The following SNX13 variants were observed in gnomAD, a reference collection of about 807,000 sequenced individuals.
The protein encoded by SNX13 is sorting nexin 13.
SNX13 carries 45 observed loss-of-function variants against 133.6 expected under a neutral mutation model. That is an observed-to-expected ratio of 0.34 (90% CI 0.27 to 0.43). The LOEUF (loss-of-function observed/expected upper bound fraction) is 0.43, where lower values mean the gene tolerates loss of function less well. Among genes scored for constraint, SNX13 ranks in the 20% least tolerant of loss-of-function variants. SNX13 has a pLI of 1.00. For missense variants in SNX13, 1,032 were observed against 1,145.1 expected, an observed-to-expected ratio of 0.90 and a Z score of 1.43; for synonymous variants, 414 against 373.9, an observed-to-expected ratio of 1.11 and a Z score of -1.24.
intron 1 of SNX13, among the ~76,000 whole-genome samples, chr7:17,907,618 A>AC (rs962559699): frequency 1.3e-5 from 2 of 151,680 alleles, no homozygotes; most frequent in African/African-American, 4.8e-5. Context: ...AGGCAGCAAC[A>AC]CCCCCCCTGA....
chr7:17,835,590 A>G (rs575086413), intron 13 of SNX13, among the ~76,000 whole-genome samples: 1 of 152,144 alleles, frequency 6.6e-6, no homozygotes, highest in African/African-American at 2.4e-5. Context: ...TCAGCACATC[A>G]ACTTTTGCAT....
At chr7:17,925,155 A>C (rs1438550459) in intron 1 of SNX13, among the ~76,000 whole-genome samples, 1 of 152,182 alleles carries the variant, frequency 6.6e-6, no homozygotes, top group East Asian at 1.9e-4. Flanking sequence ...CAGAGGTTTC[A>C]GTGAGCCGAT....
intron 11 of SNX13, among the ~76,000 whole-genome samples, chr7:17,849,884 C>T (rs1791002490): frequency 6.6e-6 from 1 of 152,232 alleles, no homozygotes; most frequent in Non-Finnish European, 1.5e-5. Context: ...AAGACATTCT[C>T]TATACGCTAC....
In SNX13 at chr7:17,845,677, T is replaced by C. The variant is rs1790439262; in HGVS notation, c.1083A>G (p.Lys361=). 3 of 1,596,154 alleles carry C rather than the reference T, an allele frequency of 1.9e-6. No homozygotes were observed. Among genetic ancestry groups the C allele is most frequent in the Non-Finnish European group, 2.6e-6 (3 of 1,171,188 alleles). The change falls in exon 12 of 26, where the codon AAA becomes AAG. Residue 361 remains lysine, a synonymous_variant. Transcript: ENST00000428135. ...AAAGTTTCCCAAAGTTTGCTGCAAG[T>C]TTCACAGTATTTATTTCCTACAGGC... The part of the protein sequence containing the change: ...LQSGKEINTV[K]LAANFGKLCT...
intron 9 of SNX13, among the ~76,000 whole-genome samples, chr7:17,867,916 A>G (rs1793599975): frequency 6.6e-6 from 1 of 152,112 alleles, no homozygotes; most frequent in South Asian, 2.1e-4. Context: ...TAAGTCTTTG[A>G]TATGTCTGAC....
intron 5 of SNX13, 65 bp downstream of exon 5, chr7:17,890,298 T>C: frequency 6.7e-7 from 1 of 1,499,696 alleles, no homozygotes. Flanking sequence ...TTAAAAGTTG[T>C]TTTCCTTACT....
chr7:17,838,880 T>C (rs1312006323), intron 13 of SNX13, among the ~76,000 whole-genome samples: 28 of 151,634 alleles, frequency 1.8e-4, no homozygotes, highest in Admixed American at 1.8e-3. Flanking sequence ...GAATGTTTCA[T>C]GTGTTCTGGA....
At chr7:17,913,798 C>G (rs1372374323) in intron 1 of SNX13, among the ~76,000 whole-genome samples, 2 of 148,678 alleles carry the variant, frequency 1.3e-5, no homozygotes, top group Non-Finnish European at 3.0e-5. Context: ...AGCATCGGCT[C>G]CCTCAGATGA....
intron 8 of SNX13, among the ~76,000 whole-genome samples, chr7:17,871,397 G>C (rs1583564397): frequency 6.6e-6 from 1 of 152,170 alleles, no homozygotes. Flanking sequence ...CTGGAGTATA[G>C]TGACCACTAA....
intron 20 of SNX13, among the ~76,000 whole-genome samples, chr7:17,812,896 C>G (rs542209708): frequency 6.5e-4 from 99 of 152,082 alleles, no homozygotes; most frequent in African/African-American, 2.4e-3. Context: ...AACATAAGAA[C>G]AGAAAACCAA....
At chr7:17,831,871 C>A (rs1788530613) in intron 15 of SNX13, 1 of 983,926 alleles carries the variant, frequency 1.0e-6, no homozygotes, top group South Asian at 4.7e-5. Context: ...AAAGGTAAAC[C>A]AGTGGCCTAA....
rs1345911394 is a variant in SNX13, at chr7:17,794,110, T to A, written c.2809A>T (p.Lys937Ter). Residue 937 changes from lysine (K) to a stop codon, truncating the protein, a stop_gained, in exon 26 of 26, where the codon AAG becomes TAG. Transcript: ENST00000428135. LOFTEE classifies it high-confidence loss of function. ...TTCTGTTTATATTTCTGCATCTGCTTTGACCGTGAATGCAGTTTGTTGAAA... is the reference window on the plus strand; with the variant it reads ...TTCTGTTTATATTTCTGCATCTGCTATGACCGTGAATGCAGTTTGTTGAAA... ...ELFNKLHSRS[K>*]QMQKYKQKLQ... 5.0e-6 allele frequency: 8 copies of A among 1,611,668 alleles called. No homozygotes were observed. The highest frequency in any genetic ancestry group is 6.8e-6 in the Non-Finnish European group (8 of 1,178,466).
intron 12 of SNX13, among the ~76,000 whole-genome samples, chr7:17,844,643 C>G (rs28566938): frequency 0.022 from 3,306 of 151,718 alleles, 128 homozygotes; most frequent in African/African-American, 0.074. Context: ...TGTAAAAATC[C>G]TCCATAAAAT....
chr7:17,797,005 T>C, intron 24 of SNX13, 66 bp from the exon 25 acceptor site: 1 of 1,188,066 alleles, frequency 8.4e-7, no homozygotes, highest in Non-Finnish European at 1.2e-6. Context: ...GTTGATAAAA[T>C]TATTTCAAAT....
In SNX13 at chr7:17,846,186, A is replaced by G. The variant is rs955052788; in HGVS notation, c.1066-492T>C. Among the ~76,000 whole-genome samples the G allele has an allele frequency of 3.3e-5, 5 of 152,070 alleles. No individual in the cohort carries two copies. The East Asian group carries it at 9.6e-4, about 29-fold the overall frequency. ...AATGTGTTTTTTTTCCAGACTCTCT[A>G]AACAGTGAATTTCAGACATACTTTT... On this transcript the variant is annotated intron_variant, in intron 11 of 25. Transcript: ENST00000428135.
chr7:17,936,007 T>G (rs1258596462), intron 1 of SNX13, among the ~76,000 whole-genome samples: 3 of 152,204 alleles, frequency 2.0e-5, no homozygotes, highest in Non-Finnish European at 4.4e-5. Context: ...TGTGCATGTG[T>G]GTGTTCAAAA....
chr7:17,926,069 C>G (rs1480163444), intron 1 of SNX13, among the ~76,000 whole-genome samples: 1 of 152,010 alleles, frequency 6.6e-6, no homozygotes, highest in African/African-American at 2.4e-5. Flanking sequence ...AGCAATTTAC[C>G]TTAAAATAGT....
In SNX13 at chr7:17,825,898, A is replaced by C. The variant is rs1197581144; in HGVS notation, c.1705+124T>G. 20 of 609,760 alleles carry C rather than the reference A, an allele frequency of 3.3e-5. No homozygotes were observed. The South Asian group carries it at 6.0e-4, about 18-fold the overall frequency. The allele number at this position is 609,760 out of a possible 1,614,324, so 37.8% of individuals were successfully genotyped here. A position where few individuals can be genotyped will look rare whatever the true frequency, so the allele number is the denominator to read the frequency against. ...ATTTAATGAAGGACATGCTGCAGAAAAAAAGTAACAAAACTATGACTAGAG... is the reference window on the plus strand; with the variant it reads ...ATTTAATGAAGGACATGCTGCAGAACAAAAGTAACAAAACTATGACTAGAG... On this transcript the variant is annotated intron_variant, in intron 17 of 25. Coordinates refer to ENST00000428135, the MANE Select transcript of SNX13 (RefSeq NM_015132.5).
chr7:17,860,835 C>A (rs547254414), intron 9 of SNX13, among the ~76,000 whole-genome samples: 12 of 152,130 alleles, frequency 7.9e-5, no homozygotes, highest in Non-Finnish European at 1.8e-4. Context: ...TATCTTTATG[C>A]CAGCACCATA....
Sources: allele counts gnomAD v4.1 joint callset (sites outside exome capture counted in the v4.1 genomes callset), GRCh38; gene constraint gnomAD v4.1.1; transcripts MANE v1.5; gene names NCBI Gene and HGNC (gene_info 2026-07-23, HGNC 2026-07-21).